The following MUC12 variants were observed in gnomAD, a reference collection of about 807,000 sequenced individuals.
MUC12 encodes mucin 12, cell surface associated.
MUC12 carries 172 observed loss-of-function variants against 230.8 expected under a neutral mutation model. That is an observed-to-expected ratio of 0.75 (90% CI 0.66 to 0.85). MUC12 has a LOEUF of 0.85. Ranked by LOEUF, MUC12 falls within the 40% of genes least tolerant of loss-of-function variation. The pLI, the probability that MUC12 is intolerant of heterozygous loss-of-function variation, is 0.00. For missense variants in MUC12, 3,506 were observed against 5,920.6 expected, an observed-to-expected ratio of 0.59 and a Z score of 13.38; for synonymous variants, 1,259 against 2,401.9, an observed-to-expected ratio of 0.52 and a Z score of 13.91.
At position 101,018,799 on chromosome 7, in the gene MUC12, T is replaced by A; in HGVS notation, c.*163T>A. On this transcript the variant is annotated 3_prime_UTR_variant, in exon 12 of 12. Coordinates refer to ENST00000536621, the MANE Select transcript of MUC12 (RefSeq NM_001164462.2). Reference sequence around the variant, plus strand: ...TTGGCCAGTCCCCTGCCTGTGCTCCTGCTGGGGAAGGCTGGGGGCTGTAAG... The same window carrying A: ...TTGGCCAGTCCCCTGCCTGTGCTCCAGCTGGGGAAGGCTGGGGGCTGTAAG... The A allele has an allele frequency of 3.0e-6, 2 of 661,598 alleles. No individual in the cohort carries two copies. The highest frequency in any genetic ancestry group is 4.7e-6 in the Non-Finnish European group (2 of 424,100). The allele number at this position is 661,598 out of a possible 1,614,324, so 41.0% of individuals were successfully genotyped here.
Position 101,008,688 on chromosome 7 carries a change from G to A in MUC12, c.15113G>A (p.Arg5038Lys), listed in dbSNP as rs986277336. 1.2e-5 allele frequency: 19 copies of A among 1,537,340 alleles called. No individual in the cohort carries two copies. The highest frequency in any genetic ancestry group is 1.7e-4 in the Middle Eastern group (1 of 5,990). The change falls in exon 4 of 12, where the codon AGA (arginine) becomes AAA (lysine). Residue 5038 changes from arginine to lysine, a missense_variant. Transcript: ENST00000536621. ...GGTATGACAGTGAAAGTGACTTACA[G>A]AAATTTCACAGAAAAGATGAATGAC... ...TLGMTVKVTYRNFTEKMNDAS... is the reference protein window; with the variant it reads ...TLGMTVKVTYKNFTEKMNDAS...
chr7:100,980,773 T>A (rs1267112621), intron 1 of MUC12, among the ~76,000 whole-genome samples: 2 of 151,762 alleles, frequency 1.3e-5, no homozygotes, highest in Admixed American at 1.3e-4. Context: ...ACGTAAAAAA[T>A]TAGCTGAGTA....
chr7:101,013,417 A>G (rs937588437), intron 8 of MUC12, among the ~76,000 whole-genome samples: 1 of 151,962 alleles, frequency 6.6e-6, no homozygotes, highest in African/African-American at 2.4e-5. Context: ...CTCTATCTCT[A>G]TCTTTGTCTG....
At position 101,013,778 on chromosome 7, in the gene MUC12, G is replaced by A; in HGVS notation, c.15639-135G>A. On this transcript the variant is annotated intron_variant, in intron 8 of 11. Coordinates refer to ENST00000536621, the MANE Select transcript of MUC12 (RefSeq NM_001164462.2). ...CAGCCTGAGGAAGTCAGGGACCCAGGCTCTCTGGGGGCTGAGCTCCAGCCG... is the reference window on the plus strand; with the variant it reads ...CAGCCTGAGGAAGTCAGGGACCCAGACTCTCTGGGGGCTGAGCTCCAGCCG... 6 of 1,079,462 alleles carry A rather than the reference G, an allele frequency of 5.6e-6. No homozygotes were observed. The East Asian group carries it at 1.4e-4, about 25-fold the overall frequency. 66.9% of individuals were successfully genotyped at this position (1,079,462 alleles called of 1,614,324 possible).
chr7:100,988,854 G>A (rs569630040), intron 1 of MUC12, among the ~76,000 whole-genome samples: 29 of 152,088 alleles, frequency 1.9e-4, no homozygotes, highest in Non-Finnish European at 3.4e-4. Context: ...AATCATTGGG[G>A]GCAGTTTCCC....
intron 1 of MUC12, among the ~76,000 whole-genome samples, chr7:100,974,774 G>A (rs1342563913): frequency 2.6e-5 from 4 of 152,422 alleles, no homozygotes; most frequent in Admixed American, 1.3e-4. Flanking sequence ...GCAGTGAGCT[G>A]TGATTGTGCC....
At chr7:100,981,725 C>T (rs1793109771) in intron 1 of MUC12, among the ~76,000 whole-genome samples, 1 of 152,084 alleles carries the variant, frequency 6.6e-6, no homozygotes, top group African/African-American at 2.4e-5. Context: ...CAGGTATGTT[C>T]GGAATGGTCC....
At chr7:101,005,614 T>A in intron 2 of MUC12, 95 bp downstream of exon 2, 20 of 1,380,448 alleles carry the variant, frequency 1.4e-5, no homozygotes, top group Non-Finnish European at 1.8e-5. Flanking sequence ...GTTCTTTTCC[T>A]CTGTCTTCCA....
At chr7:100,988,540 C>T (rs1018760700) in intron 1 of MUC12, among the ~76,000 whole-genome samples, 15 of 152,192 alleles carry the variant, frequency 9.9e-5, no homozygotes, top group African/African-American at 3.6e-4. Flanking sequence ...TTCTTTATAG[C>T]AATGCAGGAA....
In MUC12 at chr7:101,008,726, G is replaced by A; in HGVS notation, c.15151G>A (p.Glu5051Lys). 1.3e-6 allele frequency: 2 copies of A among 1,537,210 alleles called. No homozygotes were observed. The highest frequency in any genetic ancestry group is 1.7e-6 in the Non-Finnish European group (2 of 1,146,914). ...TEKMNDASSQ[E>K]YQNFSTLFKN... ...AAAGATGAATGACGCATCCTCCCAG[G>A]AATACCAGAACTTCAGTACCCTCTT... The change falls in exon 4 of 12, where the codon GAA becomes AAA. Residue 5051 changes from glutamate (E) to lysine (K), a missense_variant. Glu to Lys is a moderately conservative substitution (Grantham distance 56). Coordinates refer to ENST00000536621, the MANE Select transcript of MUC12 (RefSeq NM_001164462.2).
Position 101,005,480 on chromosome 7 carries a change from A to T in MUC12, c.14917A>T (p.Thr4973Ser). The T allele has an allele frequency of 6.5e-7, 1 of 1,537,642 alleles. No individual in the cohort carries two copies. The highest frequency in any genetic ancestry group is 8.7e-7 in the Non-Finnish European group (1 of 1,146,932). The change falls in exon 2 of 12, where the codon ACA (threonine) becomes TCA (serine). Residue 4973 changes from threonine to serine, a missense_variant. Transcript: ENST00000536621. ...CCACACCAGTCCAAGCTTCACTTCT[A>T]CAATTGTGTCTACTGAAAGCCTGGA... ...TFHTSPSFTS[T>S]IVSTESLETL...
At chr7:100,977,371 T>A (rs983238444) in intron 1 of MUC12, among the ~76,000 whole-genome samples, 3 of 16,106 alleles carry the variant, frequency 1.9e-4, no homozygotes, top group African/African-American at 6.0e-4. Flanking sequence ...CTTCTCTAGC[T>A]TTTTTTTTTT....
At chr7:100,986,060 C>A (rs11771829) in intron 1 of MUC12, among the ~76,000 whole-genome samples, 71,602 of 151,874 alleles carry the variant, frequency 0.47, 17,265 homozygotes, top group East Asian at 0.61. Flanking sequence ...AAAAGTCCAC[C>A]GACTTCAAAA....
chr7:101,008,815 A>T (rs1793797054), intron 4 of MUC12, 54 bp downstream of exon 4: 8 of 1,505,798 alleles, frequency 5.3e-6, no homozygotes, highest in Non-Finnish European at 7.1e-6. Context: ...GTGAGAGGAA[A>T]TTGGGGGGTG....
rs183440127 is a variant in MUC12, at chr7:101,004,945, A to T, written c.14382A>T (p.Ser4794=). 32 of 1,537,616 alleles carry T rather than the reference A, an allele frequency of 2.1e-5. No individual in the cohort carries two copies. The highest frequency in any genetic ancestry group is 2.7e-5 in the Non-Finnish European group (31 of 1,147,040). The stretch of plus-strand genomic sequence containing the variant: ...CCACCTCAGGCCTCAGTCAGGAATC[A>T]ACAACTTTCCACAGTAAGCCAGGCT... ...STTTSGLSQE[S]TTFHSKPGST... The change falls in exon 2 of 12, where the codon TCA becomes TCT. Residue 4794 remains serine, a synonymous_variant. Transcript: ENST00000536621.
chr7:101,005,956 C>T (rs1022793003), intron 2 of MUC12, among the ~76,000 whole-genome samples: 1 of 152,088 alleles, frequency 6.6e-6, no homozygotes, highest in Non-Finnish European at 1.5e-5. Context: ...CACCACCATG[C>T]CTACCTAATT....
Position 101,004,607 on chromosome 7 carries a change from G to T in MUC12, c.14044G>T (p.Glu4682Ter). Residue 4682 changes from glutamate (E) to a stop codon, truncating the protein, a stop_gained, in exon 2 of 12, where the codon GAA becomes TAA. Coordinates refer to ENST00000536621, the MANE Select transcript of MUC12 (RefSeq NM_001164462.2). LOFTEE classifies it high-confidence loss of function. ...ESSTTSGRSE[E>*]STASHSSPDT... ...CTCCACAACCTCCGGCCGTAGTGAG[G>T]AATCAACAGCATCCCACAGCAGCCC... The T allele has an allele frequency of 6.5e-7, 1 of 1,536,832 alleles. No homozygotes were observed. The highest frequency in any genetic ancestry group is 8.7e-7 in the Non-Finnish European group (1 of 1,146,150).
At chr7:101,008,797 T>A in intron 4 of MUC12, 36 bp downstream of exon 4, 1 of 1,517,486 alleles carries the variant, frequency 6.6e-7, no homozygotes, top group Non-Finnish European at 8.8e-7. Flanking sequence ...CCCAGGGTGA[T>A]GTCCCACGTG....
chr7:100,974,282 T>TTC (rs1282734717), intron 1 of MUC12, among the ~76,000 whole-genome samples: 1 of 140,786 alleles, frequency 7.1e-6, no homozygotes, highest in Admixed American at 7.1e-5. Context: ...TCCTGCCCTG[T>TTC]TCTCTCTCTC....
Sources: allele counts gnomAD v4.1 joint callset (sites outside exome capture counted in the v4.1 genomes callset), GRCh38; gene constraint gnomAD v4.1.1; transcripts MANE v1.5; gene names NCBI Gene and HGNC (gene_info 2026-07-23, HGNC 2026-07-21).